Variants in ENPP3 observed in about 807,000 individuals in gnomAD.
ENPP3 encodes ectonucleotide pyrophosphatase/phosphodiesterase 3, also known as ectonucleotide pyrophosphatase/phosphodiesterase family member 3.
A neutral mutation model predicts 117.8 loss-of-function variants in ENPP3; 104 were observed. That is an observed-to-expected ratio of 0.88 (90% CI 0.75 to 1.04). ENPP3 has a LOEUF of 1.04. Ranked by LOEUF, ENPP3 falls within the 50% of genes least tolerant of loss-of-function variation. The pLI is 0.00. For missense variants in ENPP3, 1,026 were observed against 1,051.9 expected, an observed-to-expected ratio of 0.98 and a Z score of 0.34; for synonymous variants, 380 against 349.9, an observed-to-expected ratio of 1.09 and a Z score of -0.96.
In ENPP3 at chr6:131,722,336, TTC is replaced by T. The variant is rs1780053207; in HGVS notation, c.1679_1680del (p.Ser560CysfsTer6). ...CCCATGCAGAGGAGGTGTCAAAGTT[TTC>T]TGTTTGTGGCTTTGCTAATCCATTG... is the stretch of plus-strand genomic sequence containing the variant. ...PSHAEEVSKF[S>X]VCGFANPLPT... On this transcript the variant is annotated frameshift_variant, in exon 18 of 25. Transcript: ENST00000357639. LOFTEE classifies it high-confidence loss of function. 6.2e-7 allele frequency: 1 copy of T among 1,613,990 alleles called. No homozygotes were observed. Among genetic ancestry groups the T allele is most frequent in the Admixed American group, 1.7e-5 (1 of 59,990 alleles).
rs572051894 is a variant in ENPP3, at chr6:131,694,788, C to A, written c.1412+1164C>A. ...GGCGGAGGTTGCAGTGAGCCAAGAT[C>A]GCACCACTGCACTCCAGCCTAGGCG... On this transcript the variant is annotated intron_variant, in intron 15 of 24. Transcript: ENST00000357639. Among the ~76,000 whole-genome samples, 225 of 149,922 alleles carry A rather than the reference C, an allele frequency of 1.5e-3. 1 individual carries two copies. Among genetic ancestry groups the A allele is most frequent in the African/African-American group, 5.3e-3 (213 of 40,396 alleles).
At chr6:131,681,440 A>G (rs1018514691) in intron 11 of ENPP3, among the ~76,000 whole-genome samples, 3 of 152,160 alleles carry the variant, frequency 2.0e-5, no homozygotes, top group Non-Finnish European at 2.9e-5. Context: ...AATCATTGTT[A>G]TAATAGTACT....
intron 11 of ENPP3, among the ~76,000 whole-genome samples, chr6:131,682,275 C>T (rs1779038711): frequency 6.6e-6 from 1 of 152,052 alleles, no homozygotes; most frequent in Admixed American, 6.5e-5. Context: ...AGGAGGATCA[C>T]TTGAGCCCAG....
chr6:131,708,938 T>C (rs1282875741), intron 15 of ENPP3: 4 of 1,604,504 alleles, frequency 2.5e-6, no homozygotes, highest in East Asian at 4.5e-5. Flanking sequence ...GGTGGAGGAA[T>C]AAGGCCAGGG....
At chr6:131,672,302 C>T (rs1350458001) in intron 7 of ENPP3, among the ~76,000 whole-genome samples, 1 of 152,134 alleles carries the variant, frequency 6.6e-6, no homozygotes, top group Non-Finnish European at 1.5e-5. Flanking sequence ...TTTATATTCT[C>T]ATGCTTTTTT....
intron 23 of ENPP3, among the ~76,000 whole-genome samples, chr6:131,738,953 T>C (rs1780463222): frequency 6.6e-6 from 1 of 152,204 alleles, no homozygotes; most frequent in Non-Finnish European, 1.5e-5. Flanking sequence ...ACTGAATCAA[T>C]ATTTCAGTAT....
In ENPP3 at chr6:131,720,310, G is replaced by A. The variant is rs373462240; in HGVS notation, c.1498G>A (p.Gly500Arg). 10 of 1,595,164 alleles carry A rather than the reference G, an allele frequency of 6.3e-6. No individual in the cohort carries two copies. Among genetic ancestry groups the A allele is most frequent in the Non-Finnish European group, 8.6e-6 (10 of 1,168,174 alleles). ...RSMEAIFLAH[G>R]PSFKEKTEVE... is the part of the protein sequence containing the mutation. ...GACCTAGGCTATCTTTCTGGCACATGGACCCAGTTTTAAAGAGAAGACTGA... is the reference window on the plus strand; with the variant it reads ...GACCTAGGCTATCTTTCTGGCACATAGACCCAGTTTTAAAGAGAAGACTGA... Residue 500 changes from glycine (G) to arginine (R), a missense_variant, in exon 17 of 25, where the codon GGA becomes AGA. Transcript: ENST00000357639.
At chr6:131,696,809 G>T (rs1455854618) in intron 15 of ENPP3, among the ~76,000 whole-genome samples, 1 of 135,776 alleles carries the variant, frequency 7.4e-6, no homozygotes, top group Non-Finnish European at 1.5e-5. Flanking sequence ...TCGCTCTGTC[G>T]CCCAGGCTGG....
intron 10 of ENPP3, 131 bp downstream of exon 10, chr6:131,676,932 A>G: frequency 3.2e-6 from 2 of 617,790 alleles, no homozygotes; most frequent in Non-Finnish European, 5.8e-6. Flanking sequence ...CTTATAATGG[A>G]CACTTTTCAT....
intron 18 of ENPP3, among the ~76,000 whole-genome samples, chr6:131,723,194 C>G (rs532714837): frequency 6.6e-6 from 1 of 152,276 alleles, no homozygotes; most frequent in Admixed American, 6.5e-5. Context: ...CCTGCTGCCT[C>G]AGGTAAGAAT....
chr6:131,692,115 A>C (rs1779294422), intron 14 of ENPP3, among the ~76,000 whole-genome samples: 1 of 152,112 alleles, frequency 6.6e-6, no homozygotes, highest in African/African-American at 2.4e-5. Context: ...TAATAGTGAC[A>C]CACACTTGTT....
At chr6:131,733,034 A>C (rs1010961129) in intron 20 of ENPP3, among the ~76,000 whole-genome samples, 1 of 152,048 alleles carries the variant, frequency 6.6e-6, no homozygotes, top group Non-Finnish European at 1.5e-5. Flanking sequence ...GCCTGGCCTA[A>C]GAAATTATTT....
Position 131,709,717 on chromosome 6 carries a change from C to T in ENPP3, c.1413-8955C>T, listed in dbSNP as rs551710176. 9 of 1,613,910 alleles carry T rather than the reference C, an allele frequency of 5.6e-6. No individual in the cohort carries two copies. The African/African-American group carries it at 1.2e-4, about 22-fold the overall frequency. ...TTCTTCAAGATCTTTGGCTAGCTTT[C>T]TATAGGTCTCCAGCTCTTCAGTGGC... On this transcript the variant is annotated intron_variant, in intron 15 of 24. Transcript: ENST00000357639.
intron 2 of ENPP3, 92 bp from the exon 3 acceptor site, chr6:131,649,935 T>C (rs1378209247): frequency 1.5e-6 from 2 of 1,330,656 alleles, no homozygotes; most frequent in African/African-American, 2.9e-5. Flanking sequence ...TGTCATAGTC[T>C]GTGCTGTGTA....
intron 18 of ENPP3, among the ~76,000 whole-genome samples, chr6:131,722,690 C>T (rs73001224): frequency 0.018 from 2,695 of 152,286 alleles, 50 homozygotes; most frequent in Admixed American, 0.051. Flanking sequence ...CAGTAATCTT[C>T]GAGCTCTCTC....
At chr6:131,703,438 CTGA>C (rs1346869342) in intron 15 of ENPP3, among the ~76,000 whole-genome samples, 1 of 135,998 alleles carries the variant, frequency 7.4e-6, no homozygotes, top group Non-Finnish European at 1.5e-5. Context: ...AGATAATATG[CTGA>C]TATCTATTAA....
At chr6:131,668,980 G>A (rs1199254389) in intron 6 of ENPP3, among the ~76,000 whole-genome samples, 1 of 152,186 alleles carries the variant, frequency 6.6e-6, no homozygotes, top group East Asian at 1.9e-4. Flanking sequence ...TCTTGTTTAT[G>A]ACATATAACT....
At chr6:131,723,087 T>C (rs1262661505) in intron 18 of ENPP3, among the ~76,000 whole-genome samples, 2 of 152,138 alleles carry the variant, frequency 1.3e-5, no homozygotes, top group Admixed American at 6.5e-5. Flanking sequence ...CAGAGTGAAA[T>C]TGGAGCCCCG....
intron 15 of ENPP3, among the ~76,000 whole-genome samples, chr6:131,698,086 TA>T (rs903841930): frequency 5.3e-5 from 8 of 152,084 alleles, no homozygotes; most frequent in African/African-American, 1.7e-4. Flanking sequence ...TAAATAAGAT[TA>T]GGGGTATGTG....
Sources: gnomAD v4.1 joint callset for allele counts (sites outside exome capture counted in the v4.1 genomes callset) on GRCh38, gnomAD v4.1.1 for gene constraint, MANE v1.5 for transcripts, NCBI Gene and HGNC (gene_info 2026-07-23, HGNC 2026-07-21) for gene names.